COL14A1: variants seen among roughly 807,000 people sequenced by gnomAD.
COL14A1 encodes collagen type XIV alpha 1 chain, also known as collagen alpha-1(XIV) chain.
A neutral mutation model predicts 230.3 loss-of-function variants in COL14A1; 136 were observed. The ratio of observed to expected loss-of-function variants is 0.59; its 90% CI spans 0.51 to 0.68. COL14A1 has a LOEUF of 0.68. COL14A1 is among the 30% of genes least tolerant of loss of function. The probability of loss-of-function intolerance (pLI) is 0.00; values close to 1 mark genes in which losing one functional copy is unlikely to be tolerated. For synonymous variants in COL14A1, 792 were observed against 784.1 expected (o/e 1.01, Z -0.17); for missense variants, 1,976 against 2,215.8 (o/e 0.89, Z 2.17).
At chr8:120,161,033 T>C (rs1815650733) in intron 3 of COL14A1, among the ~76,000 whole-genome samples, 1 of 152,166 alleles carries the variant, frequency 6.6e-6, no homozygotes, top group South Asian at 2.1e-4. Context: ...AAAGATATAT[T>C]AGGTGCACTT....
chr8:120,166,900 G>GTGTGTGTA (rs1554600780), intron 4 of COL14A1, among the ~76,000 whole-genome samples: 118 of 149,758 alleles, frequency 7.9e-4, no homozygotes, highest in African/African-American at 2.8e-3. Flanking sequence ...GTGTGTGTGT[G>GTGTGTGTA]TGTGTGTGTG....
chr8:120,340,305 C>G (rs1020813727), intron 42 of COL14A1, among the ~76,000 whole-genome samples: 1 of 152,120 alleles, frequency 6.6e-6, no homozygotes, highest in Non-Finnish European at 1.5e-5. Context: ...ACACTTACAC[C>G]TCCAAAATCA....
chr8:120,287,776 T>A lies in COL14A1; in HGVS notation c.4077+1806T>A, dbSNP rs533967540. On this transcript the variant is annotated intron_variant, in intron 33 of 47. Transcript: ENST00000297848. Reference sequence around the variant, plus strand: ...ACAAAATACTTTATAATAGACCTATTAATAGAATATCTCAATGCAAATTCA... The same window carrying A: ...ACAAAATACTTTATAATAGACCTATAAATAGAATATCTCAATGCAAATTCA... Among the ~76,000 whole-genome samples the A allele has an allele frequency of 5.9e-5, 9 of 152,256 alleles. 1 individual carries two copies. In the South Asian group the frequency reaches 1.9e-3, roughly 32 times the overall value.
chr8:120,141,827 A>G (rs1004611086), intron 1 of COL14A1, among the ~76,000 whole-genome samples: 11 of 152,344 alleles, frequency 7.2e-5, no homozygotes, highest in African/African-American at 2.4e-4. Context: ...CCTTTTCCCT[A>G]TGTTAAAGAG....
At chr8:120,289,472 C>T in intron 33 of COL14A1, 136 bp from the exon 34 acceptor site, 1 of 791,920 alleles carries the variant, frequency 1.3e-6, no homozygotes, top group South Asian at 2.1e-5. Context: ...GAAATTTTCT[C>T]TTTTGGCAAA....
intron 19 of COL14A1, among the ~76,000 whole-genome samples, chr8:120,239,637 A>G (rs937039965): frequency 1.3e-5 from 2 of 152,172 alleles, no homozygotes; most frequent in Non-Finnish European, 1.5e-5. Flanking sequence ...CACTCAGACC[A>G]TACACTTCAA....
chr8:120,220,420 C>T (rs531605015), intron 14 of COL14A1, among the ~76,000 whole-genome samples: 64 of 151,898 alleles, frequency 4.2e-4, no homozygotes, highest in Middle Eastern at 3.4e-3. Context: ...ACTATAGGCA[C>T]GCACCACCAC....
intron 45 of COL14A1, among the ~76,000 whole-genome samples, chr8:120,366,959 A>G (rs574156518): frequency 1.2e-4 from 19 of 152,326 alleles, no homozygotes; most frequent in Admixed American, 5.9e-4. Flanking sequence ...TACAGACCAC[A>G]CACTCAAATA....
In COL14A1 at chr8:120,203,813, G is replaced by T. The variant is rs1817338246; in HGVS notation, c.982G>T (p.Glu328Ter). The T allele has an allele frequency of 6.2e-7, 1 of 1,614,008 alleles. No homozygotes were observed. The highest frequency in any genetic ancestry group is 8.5e-7 in the Non-Finnish European group (1 of 1,179,926). The part of the protein sequence containing the change: ...AEFDLMHTVV[E>*]SLTRTLCSRV... The stretch of plus-strand genomic sequence containing the variant: ...ATTCGATCTGATGCACACAGTTGTG[G>T]AGAGTCTGACCAGGACTCTCTGCTC... The change falls in exon 9 of 48, where the codon GAG (glutamate) becomes TAG (stop). Residue 328 changes from glutamate to a stop codon, truncating the protein, a stop_gained. Coordinates refer to ENST00000297848, the MANE Select transcript of COL14A1 (RefSeq NM_021110.4). LOFTEE classifies it high-confidence loss of function.
chr8:120,210,266 A>G (rs1190600287), intron 12 of COL14A1, among the ~76,000 whole-genome samples: 1 of 152,234 alleles, frequency 6.6e-6, no homozygotes. Context: ...GGATATTTAG[A>G]TAGCTTGCTA....
intron 34 of COL14A1, among the ~76,000 whole-genome samples, chr8:120,291,053 T>A (rs938218004): frequency 6.6e-6 from 1 of 152,174 alleles, no homozygotes; most frequent in African/African-American, 2.4e-5. Flanking sequence ...CTTTTGGGAA[T>A]GTTTACATGA....
intron 22 of COL14A1, among the ~76,000 whole-genome samples, chr8:120,254,841 A>G (rs1819089664): frequency 6.6e-6 from 1 of 151,136 alleles, no homozygotes; most frequent in African/African-American, 2.4e-5. Flanking sequence ...AAAAAAAAAA[A>G]ATTAGCTGCA....
chr8:120,267,481 A>G (rs1386361606), intron 25 of COL14A1, among the ~76,000 whole-genome samples: 1 of 151,984 alleles, frequency 6.6e-6, no homozygotes, highest in Non-Finnish European at 1.5e-5. Context: ...GTGCTTGCCT[A>G]GATAAATACC....
chr8:120,192,928 A>G (rs1388397685), intron 5 of COL14A1, among the ~76,000 whole-genome samples: 1 of 152,050 alleles, frequency 6.6e-6, no homozygotes, highest in Non-Finnish European at 1.5e-5. Flanking sequence ...TGTATTGGTT[A>G]TTCTAGTTAT....
chr8:120,217,528 TA>T (rs1443560399), intron 14 of COL14A1, among the ~76,000 whole-genome samples: 2 of 152,206 alleles, frequency 1.3e-5, no homozygotes, highest in Non-Finnish European at 2.9e-5. Context: ...AACATTTTTC[TA>T]AAATTAAATC....
At position 120,371,248 on chromosome 8, in the gene COL14A1, T is replaced by C; in HGVS notation, c.*17T>C. The stretch of plus-strand genomic sequence containing the variant: ...GGAGTCTGATAGCCTCAGGAGAAAT[T>C]TGAAGACCAACTGCAAGAACTCTTA... On this transcript the variant is annotated 3_prime_UTR_variant, in exon 48 of 48. Transcript: ENST00000297848. The C allele has an allele frequency of 1.3e-6, 2 of 1,591,802 alleles. No individual in the cohort carries two copies. Among genetic ancestry groups the C allele is most frequent in the Non-Finnish European group, 1.7e-6 (2 of 1,165,136 alleles).
At chr8:120,214,964 A>G (rs1817707349) in intron 13 of COL14A1, among the ~76,000 whole-genome samples, 1 of 152,254 alleles carries the variant, frequency 6.6e-6, no homozygotes, top group African/African-American at 2.4e-5. Flanking sequence ...GCAGTGGCCT[A>G]TGAATGAGCA....
intron 19 of COL14A1, among the ~76,000 whole-genome samples, chr8:120,236,129 G>T (rs1475951849): frequency 6.6e-6 from 1 of 152,146 alleles, no homozygotes; most frequent in East Asian, 1.9e-4. Flanking sequence ...TGTCTATTAG[G>T]TCCTCTTGGT....
intron 19 of COL14A1, chr8:120,232,013 A>C (rs1321679810): frequency 6.4e-6 from 1 of 156,324 alleles, no homozygotes; most frequent in African/African-American, 2.4e-5. Flanking sequence ...CTGATAAAAA[A>C]ACTTTTAAGC....
Sources: allele counts gnomAD v4.1 joint callset (sites outside exome capture counted in the v4.1 genomes callset), GRCh38; gene constraint gnomAD v4.1.1; transcripts MANE v1.5; gene names NCBI Gene and HGNC (gene_info 2026-07-23, HGNC 2026-07-21).